ERI3: variants seen among roughly 807,000 people sequenced by gnomAD.
The protein encoded by ERI3 is ERI1 exoribonuclease family member 3, also known as ERI1 exoribonuclease 3.
Under a neutral mutation model 44.4 loss-of-function variants are expected in ERI3, and 18 were observed. The ratio of observed to expected loss-of-function variants is 0.41; its 90% CI spans 0.28 to 0.60. The LOEUF (loss-of-function observed/expected upper bound fraction) is 0.60, where lower values mean the gene tolerates loss of function less well. Ranked by LOEUF, ERI3 falls within the 20% of genes least tolerant of loss-of-function variation. ERI3 has a pLI of 0.36. For missense variants in ERI3, 294 were observed against 435.5 expected, an observed-to-expected ratio of 0.68 and a Z score of 2.89; for synonymous variants, 183 against 164.8, an observed-to-expected ratio of 1.11 and a Z score of -0.84.
chr1:44,260,738 T>TCCCCCA (rs1270917773), intron 7 of ERI3, among the ~76,000 whole-genome samples: 1 of 150,604 alleles, frequency 6.6e-6, no homozygotes, highest in Non-Finnish European at 1.5e-5. Context: ...TTCATTCAAC[T>TCCCCCA]CCCCCACCCC....
rs141853065 is a variant in ERI3 at position 44,342,857 on chromosome 1, A to ATTT, written c.212-3538_212-3536dup. Among the ~76,000 whole-genome samples the ATTT allele has an allele frequency of 4.7e-4, 9 of 19,170 alleles. 1 individual carries two copies. The highest frequency in any genetic ancestry group is 1.8e-3 in the East Asian group (1 of 552). The allele number at this position is 19,170 out of a possible 152,430, so 12.6% of individuals were successfully genotyped here. ...TATATATATATATATATATATATAT[A>ATTT]TTTTTTTTTTTTTTTTTTTTTTTTT... On this transcript the variant is annotated intron_variant, in intron 2 of 8. Coordinates refer to ENST00000372257, the MANE Select transcript of ERI3 (RefSeq NM_024066.3).
At chr1:44,335,176 T>C (rs1434842666) in intron 3 of ERI3, among the ~76,000 whole-genome samples, 2 of 151,386 alleles carry the variant, frequency 1.3e-5, no homozygotes, top group African/African-American at 2.4e-5. Flanking sequence ...CCCATCATTA[T>C]AAAAAATAAA....
intron 7 of ERI3, chr1:44,256,752 G>A (rs1299341743): frequency 6.6e-6 from 1 of 152,256 alleles, no homozygotes; most frequent in African/African-American, 2.4e-5. Flanking sequence ...ACAGCTACCA[G>A]CTCAGTTTGA....
intron 8 of ERI3, among the ~76,000 whole-genome samples, chr1:44,233,311 C>G (rs1452543483): frequency 1.3e-5 from 2 of 152,158 alleles, no homozygotes; most frequent in Non-Finnish European, 2.9e-5. Context: ...AATCTTATCT[C>G]CTACTCCACA....
At chr1:44,324,963 T>C (rs1646278707) in intron 3 of ERI3, among the ~76,000 whole-genome samples, 1 of 152,178 alleles carries the variant, frequency 6.6e-6, no homozygotes, top group African/African-American at 2.4e-5. Context: ...TCCCTCAATA[T>C]TGTCCCTGTA....
At chr1:44,234,435 G>C (rs920421191) in intron 8 of ERI3, among the ~76,000 whole-genome samples, 2 of 151,834 alleles carry the variant, frequency 1.3e-5, no homozygotes, top group African/African-American at 4.8e-5. Context: ...AGGCTGAGGT[G>C]GGCAAATCAC....
intron 8 of ERI3, among the ~76,000 whole-genome samples, chr1:44,242,483 T>C (rs1644460687): frequency 6.6e-6 from 1 of 152,232 alleles, no homozygotes; most frequent in Non-Finnish European, 1.5e-5. Context: ...CTTCCTTGCC[T>C]TGAGTGGGGG....
Position 44,354,097 on chromosome 1 carries a change from C to A in ERI3, c.135+795G>T. The stretch of plus-strand genomic sequence containing the variant: ...CAGAATAAAGCAGAATTTGATGAAG[C>A]CAATTTCTGGAAGAAACTCTACAAT... On this transcript the variant is annotated intron_variant, in intron 1 of 8. Transcript: ENST00000372257. 3 of 985,432 alleles carry A rather than the reference C, an allele frequency of 3.0e-6. No homozygotes were observed. The South Asian group carries it at 1.4e-4, about 46-fold the overall frequency. The allele number at this position is 985,432 out of a possible 1,614,324, so 61.0% of individuals were successfully genotyped here.
intron 6 of ERI3, among the ~76,000 whole-genome samples, chr1:44,288,502 A>C (rs1248128862): frequency 1.1e-4 from 17 of 152,204 alleles, no homozygotes; most frequent in Admixed American, 1.1e-3. Flanking sequence ...ACCCTACCCC[A>C]GCTTAGAGAG....
At chr1:44,302,779 A>G (rs1166415418) in intron 6 of ERI3, among the ~76,000 whole-genome samples, 2 of 152,174 alleles carry the variant, frequency 1.3e-5, no homozygotes, top group Non-Finnish European at 2.9e-5. Context: ...ACCGTGTATC[A>G]CCAAACCACA....
At chr1:44,255,358 C>G (rs978133726) in intron 7 of ERI3, among the ~76,000 whole-genome samples, 1 of 152,092 alleles carries the variant, frequency 6.6e-6, no homozygotes, top group South Asian at 2.1e-4. Context: ...CTCTGAAACC[C>G]TTCTCCCTTC....
At position 44,344,999 on chromosome 1, in the gene ERI3, C is replaced by T. The variant is rs533875691; in HGVS notation, c.212-5677G>A. ...TGCAGAGTATTTACACAACAGACAC[C>T]AATGGCTCCTCTGCAGCCATTACTG... On this transcript the variant is annotated intron_variant, in intron 2 of 8. Transcript: ENST00000372257. Among the ~76,000 whole-genome samples, 102 of 152,292 alleles carry T rather than the reference C, an allele frequency of 6.7e-4. 3 individuals carry two copies. The South Asian group carries it at 0.021, about 31-fold the overall frequency.
At chr1:44,238,755 A>C (rs535473249) in intron 8 of ERI3, among the ~76,000 whole-genome samples, 58 of 151,842 alleles carry the variant, frequency 3.8e-4, no homozygotes, top group African/African-American at 1.4e-3. Flanking sequence ...GCCTCCCCCC[A>C]CAGAGGCCAG....
intron 4 of ERI3, among the ~76,000 whole-genome samples, chr1:44,318,887 G>A (rs1396109227): frequency 1.3e-5 from 2 of 152,210 alleles, no homozygotes; most frequent in Admixed American, 1.3e-4. Context: ...ACCACTGAGT[G>A]CATTACATGA....
rs1219264099 is a variant in ERI3, at chr1:44,235,277, C to T, written c.931+12662G>A. ...CACTCCCCTGTTGTACAGCCAAATT[C>T]AGGCTCATTTGCACCTTGAGTTTTC... On this transcript the variant is annotated intron_variant, in intron 8 of 8. Coordinates refer to ENST00000372257, the MANE Select transcript of ERI3 (RefSeq NM_024066.3). This position sits in a 1 kb window ranked among gnomAD's most constrained non-coding sequence, Gnocchi z 4.6. Among the ~76,000 whole-genome samples the T allele has an allele frequency of 6.6e-6, 1 of 152,202 alleles. No individual in the cohort carries two copies. Among genetic ancestry groups the T allele is most frequent in the Non-Finnish European group, 1.5e-5 (1 of 68,038 alleles).
intron 7 of ERI3, among the ~76,000 whole-genome samples, chr1:44,281,602 ATATAT>A (rs982154666): frequency 1.0e-5 from 1 of 97,936 alleles, no homozygotes; most frequent in Non-Finnish European, 1.9e-5. Context: ...AAAAAAAAAA[ATATAT>A]ATATATATAT....
chr1:44,350,507 C>G (rs1415108636), intron 2 of ERI3, among the ~76,000 whole-genome samples: 1 of 152,160 alleles, frequency 6.6e-6, no homozygotes, highest in East Asian at 1.9e-4. Flanking sequence ...AGTGATCCAC[C>G]CACCTCGGCC....
At chr1:44,318,165 G>A (rs964104963) in intron 4 of ERI3, among the ~76,000 whole-genome samples, 1 of 152,122 alleles carries the variant, frequency 6.6e-6, no homozygotes, top group Non-Finnish European at 1.5e-5. Context: ...CTCTTCTTCC[G>A]ATACTCTCAA....
At chr1:44,272,991 A>T (rs1645117748) in intron 7 of ERI3, among the ~76,000 whole-genome samples, 1 of 152,184 alleles carries the variant, frequency 6.6e-6, no homozygotes, top group Non-Finnish European at 1.5e-5. Flanking sequence ...TGAAGAACGA[A>T]GGGAATGTCT....
Sources: gnomAD v4.1 joint callset for allele counts (sites outside exome capture counted in the v4.1 genomes callset) on GRCh38, gnomAD v4.1.1 for gene constraint, Gnocchi (gnomAD v3.1) non-coding constraint, MANE v1.5 for transcripts, NCBI Gene and HGNC (gene_info 2026-07-23, HGNC 2026-07-21) for gene names.